The following TTYH3 variants were observed in gnomAD, a reference collection of about 807,000 sequenced individuals.
TTYH3 encodes the protein protein tweety homolog 3.
TTYH3 carries 23 observed loss-of-function variants against 68.2 expected under a neutral mutation model. That is an observed-to-expected ratio of 0.34 (90% confidence interval 0.24 to 0.48). The LOEUF is 0.48. TTYH3 is among the 20% of genes least tolerant of loss of function. The pLI, the probability that TTYH3 is intolerant of heterozygous loss-of-function variation, is 0.99. For missense variants in TTYH3, 768 were observed against 727.7 expected (o/e 1.06, Z -0.64); for synonymous variants, 360 against 332.8 (o/e 1.08, Z -0.89).
chr7:2,647,574 T>A lies in TTYH3; in HGVS notation c.562T>A (p.Trp188Arg). 6.4e-7 allele frequency: 1 copy of A among 1,571,144 alleles called. No homozygotes were observed. The highest frequency in any genetic ancestry group is 1.3e-5 in the African/African-American group (1 of 74,128). Residue 188 changes from tryptophan to arginine, a missense_variant, in exon 4 of 14, where the codon TGG (tryptophan) becomes AGG (arginine). By Grantham distance (101) the Trp-to-Arg change is moderately radical. Transcript: ENST00000258796. The stretch of plus-strand genomic sequence containing the variant: ...GGGCTACACGGCCGCCATCCCCTTT[T>A]GGAGGAACACGGCGGTGTCGCTGGA... ...LLGYTAAIPF[W>R]RNTAVSLEVL...
At chr7:2,655,097 A>G (rs1485187601) in intron 9 of TTYH3, among the ~76,000 whole-genome samples, 1 of 152,048 alleles carries the variant, frequency 6.6e-6, no homozygotes, top group Non-Finnish European at 1.5e-5. Context: ...TTCTGGAGGC[A>G]CCATTGAGCC....
At position 2,659,122 on chromosome 7, in the gene TTYH3, G is replaced by C. The variant is rs891293061; in HGVS notation, c.1500+107G>C. 1.0e-5 allele frequency: 12 copies of C among 1,160,546 alleles called. No homozygotes were observed. In the African/African-American group the frequency reaches 1.4e-4, roughly 13 times the overall value. 71.9% of individuals were successfully genotyped at this position (1,160,546 alleles called of 1,614,324 possible). ...GGCATGTGCAGCCAGTGTGAGCTCTGGGGGCAGCTGTGAGCTGCCACCACC... is the reference window on the plus strand; with the variant it reads ...GGCATGTGCAGCCAGTGTGAGCTCTCGGGGCAGCTGTGAGCTGCCACCACC... On this transcript the variant is annotated intron_variant, in intron 13 of 13. Transcript: ENST00000258796.
intron 11 of TTYH3, among the ~76,000 whole-genome samples, chr7:2,657,975 C>T (rs990902794): frequency 2.0e-5 from 3 of 152,210 alleles, no homozygotes; most frequent in Non-Finnish European, 4.4e-5. Flanking sequence ...GCACCCTGGC[C>T]TCCTGCACTC....
At chr7:2,639,501 GC>G (rs1456023678) in intron 1 of TTYH3, among the ~76,000 whole-genome samples, 1 of 152,220 alleles carries the variant, frequency 6.6e-6, no homozygotes, top group Non-Finnish European at 1.5e-5. Flanking sequence ...GCACAGGGGA[GC>G]CCCCGACCTA....
In TTYH3 at chr7:2,649,551, G is replaced by C. The variant is rs1583567903; in HGVS notation, c.723-16G>C. On this transcript the variant is annotated splice_polypyrimidine_tract_variant and intron_variant, in intron 5 of 13. Transcript: ENST00000258796. ...ACCCTGGCCTGGGGGCTGCTGACTGGCTGTCTCTGCCCCAGGGTCTGCCTG... is the reference window on the plus strand; with the variant it reads ...ACCCTGGCCTGGGGGCTGCTGACTGCCTGTCTCTGCCCCAGGGTCTGCCTG... The C allele has an allele frequency of 3.8e-6, 6 of 1,571,312 alleles. No individual in the cohort carries two copies. In the East Asian group the frequency reaches 1.4e-4, roughly 36 times the overall value.
chr7:2,659,009 G>T lies in TTYH3; in HGVS notation c.1494G>T (p.Pro498=), dbSNP rs915696096. ...NTPLIGRESP[P]PSYTSSMRAK... ...CACTCATTGGGCGCGAGTCCCCGCC[G>T]CCCTCAGTAAGTCTTGGGGCAGGAG... The change falls in exon 13 of 14, where the codon CCG becomes CCT. Residue 498 remains proline, a synonymous_variant. Coordinates refer to ENST00000258796, the MANE Select transcript of TTYH3 (RefSeq NM_025250.3). The T allele has an allele frequency of 2.5e-6, 4 of 1,613,870 alleles. No individual in the cohort carries two copies. Among genetic ancestry groups the T allele is most frequent in the Middle Eastern group, 1.7e-4 (1 of 6,056 alleles).
chr7:2,632,810 G>C (rs557225210), intron 1 of TTYH3, among the ~76,000 whole-genome samples: 1 of 152,378 alleles, frequency 6.6e-6, no homozygotes, highest in African/African-American at 2.4e-5. Flanking sequence ...CAGGCTTCCA[G>C]TGGGTGAATG....
At chr7:2,640,313 A>G (rs1370032830) in intron 1 of TTYH3, among the ~76,000 whole-genome samples, 2 of 152,202 alleles carry the variant, frequency 1.3e-5, no homozygotes. Context: ...GGTTGGTGGC[A>G]CAGAGCGGCG....
Position 2,649,989 on chromosome 7 carries a change from G to C in TTYH3, c.871+1G>C. 6.2e-7 allele frequency: 1 copy of C among 1,613,952 alleles called. No homozygotes were observed. Among genetic ancestry groups the C allele is most frequent in the Non-Finnish European group, 8.5e-7 (1 of 1,179,930 alleles). ...GAGGAGTACTCGGTGCTGAGTGGGG[G>C]TGAGTCTGTGTCCACGGCCGTGTCC... is the stretch of plus-strand genomic sequence containing the variant. On this transcript the variant is annotated splice_donor_variant, in intron 7 of 13. Coordinates refer to ENST00000258796, the MANE Select transcript of TTYH3 (RefSeq NM_025250.3). LOFTEE classifies it high-confidence loss of function.
intron 9 of TTYH3, among the ~76,000 whole-genome samples, chr7:2,653,571 A>G (rs1342786913): frequency 6.6e-6 from 1 of 152,174 alleles, no homozygotes; most frequent in Non-Finnish European, 1.5e-5. Flanking sequence ...TGTTAAAAAA[A>G]TAAAATAAAG....
chr7:2,656,344 G>GC, intron 10 of TTYH3, 54 bp from the exon 11 acceptor site: 1 of 1,588,494 alleles, frequency 6.3e-7, no homozygotes, highest in Non-Finnish European at 8.6e-7. Flanking sequence ...GTCTCACGCT[G>GC]CCCCCTCCAC....
chr7:2,658,377 A>G lies in TTYH3; in HGVS notation c.1342A>G (p.Ser448Gly). The change falls in exon 12 of 14, where the codon AGC becomes GGC. Residue 448 changes from serine to glycine, a missense_variant. Transcript: ENST00000258796. ...LYRVHMPSLY[S>G]CGSSYGSETS... ...CCGCGTCCACATGCCCAGCCTGTAC[A>G]GCTGTGGCAGCAGCTACGGCAGTGA... The G allele has an allele frequency of 6.2e-7, 1 of 1,611,946 alleles. No homozygotes were observed. Among genetic ancestry groups the G allele is most frequent in the Non-Finnish European group, 8.5e-7 (1 of 1,179,678 alleles).
chr7:2,656,098 C>T lies in TTYH3; in HGVS notation c.1027C>T (p.Leu343Phe), dbSNP rs751734454. The change falls in exon 10 of 14, where the codon CTC becomes TTC. Residue 343 changes from leucine (L) to phenylalanine (F), a missense_variant. Coordinates refer to ENST00000258796, the MANE Select transcript of TTYH3 (RefSeq NM_025250.3). The stretch of plus-strand genomic sequence containing the variant: ...TGCGGTGCGTGCCCCCCAGGACCCC[C>T]TCCTCCGCGTCCAGGAGGTGCTGAA... ...PWEQPATKDP[L>F]LRVQEVLNGT... The T allele has an allele frequency of 2.6e-6, 4 of 1,550,112 alleles. No homozygotes were observed.
At position 2,659,975 on chromosome 7, in the gene TTYH3, G is replaced by A. The variant is rs930574944; in HGVS notation, c.1500+960G>A. ...CTGCCCTGGACTCTGGCAGCCACGC[G>A]GGCTGGCAGTTTAAGCCCATGGACA... On this transcript the variant is annotated intron_variant, in intron 13 of 13. Transcript: ENST00000258796. 13 of 1,303,620 alleles carry A rather than the reference G, an allele frequency of 1.0e-5. No individual in the cohort carries two copies. In the African/African-American group the frequency reaches 1.2e-4, roughly 12 times the overall value. The allele number at this position is 1,303,620 out of a possible 1,614,324, so 80.8% of individuals were successfully genotyped here.
chr7:2,647,892 G>T (rs1406594108), intron 4 of TTYH3, 67 bp from the exon 5 acceptor site: 2 of 1,565,916 alleles, frequency 1.3e-6, no homozygotes, highest in Non-Finnish European at 8.7e-7. Flanking sequence ...CCCCTCAAGG[G>T]CCCCTGGCGC....
At chr7:2,643,768 C>T (rs73279500) in intron 1 of TTYH3, among the ~76,000 whole-genome samples, 2,470 of 152,218 alleles carry the variant, frequency 0.016, 58 homozygotes, top group African/African-American at 0.056. Flanking sequence ...GCTGATGCCC[C>T]GAGCTCTGGG....
chr7:2,652,546 T>C (rs529359799), intron 8 of TTYH3, among the ~76,000 whole-genome samples: 1 of 152,258 alleles, frequency 6.6e-6, no homozygotes, highest in South Asian at 2.1e-4. Flanking sequence ...GATGCCTCTG[T>C]AGGGTAACCG....
intron 5 of TTYH3, among the ~76,000 whole-genome samples, chr7:2,648,993 T>TGGGGCCCGCAGTG (rs1245265326): frequency 4.2e-5 from 6 of 144,014 alleles, no homozygotes; most frequent in Admixed American, 6.8e-5. Flanking sequence ...CACTGGGGTG[T>TGGGGCCCGCAGTG]GTTTTGGGGA....
chr7:2,646,229 G>T (rs907828805), intron 1 of TTYH3, among the ~76,000 whole-genome samples: 2 of 152,200 alleles, frequency 1.3e-5, no homozygotes, highest in Non-Finnish European at 2.9e-5. Flanking sequence ...TGGCCAGGCT[G>T]GTCTCAAACT....
Sources: allele counts gnomAD v4.1 joint callset (sites outside exome capture counted in the v4.1 genomes callset), GRCh38; gene constraint gnomAD v4.1.1; transcripts MANE v1.5; gene names NCBI Gene and HGNC (gene_info 2026-07-23, HGNC 2026-07-21).